ENOX1: variants seen among roughly 807,000 people sequenced by gnomAD.
ENOX1 encodes ecto-NOX disulfide-thiol exchanger 1.
ENOX1 carries 42 observed loss-of-function variants against 82.5 expected under a neutral mutation model. The observed-to-expected ratio is 0.51, with a 90% CI of 0.40 to 0.66. ENOX1 has a LOEUF of 0.66. Among genes scored for constraint, ENOX1 ranks in the 30% least tolerant of loss-of-function variants. The probability of loss-of-function intolerance (pLI) is 0.00; values close to 1 mark genes in which losing one functional copy is unlikely to be tolerated. For synonymous variants in ENOX1, 271 were observed against 282.2 expected, an observed-to-expected ratio of 0.96 and a Z score of 0.40; for missense variants, 608 against 811.6, an observed-to-expected ratio of 0.75 and a Z score of 3.05.
At chr13:43,374,456 G>C (rs1566066316) in intron 5 of ENOX1, among the ~76,000 whole-genome samples, 1 of 151,922 alleles carries the variant, frequency 6.6e-6, no homozygotes, top group Non-Finnish European at 1.5e-5. Context: ...ATGTTGCCCA[G>C]GTTGGTCTCA....
intron 6 of ENOX1, 59 bp from the exon 7 acceptor site, chr13:43,360,116 T>C (rs1326658924): frequency 6.6e-7 from 1 of 1,518,302 alleles, no homozygotes; most frequent in African/African-American, 1.4e-5. Flanking sequence ...TCTCTGGTTC[T>C]CCTGGCAAAA....
intron 11 of ENOX1, among the ~76,000 whole-genome samples, chr13:43,304,645 A>T (rs944636152): frequency 3.3e-5 from 5 of 152,298 alleles, no homozygotes; most frequent in Middle Eastern, 3.4e-3. Flanking sequence ...TTTCTGCAGG[A>T]CAAACTTGGG....
chr13:43,618,311 C>T (rs2082571488), intron 2 of ENOX1, among the ~76,000 whole-genome samples: 1 of 152,144 alleles, frequency 6.6e-6, no homozygotes, highest in Admixed American at 6.6e-5. Flanking sequence ...GTCATGAAAT[C>T]CTTGCCTAAA....
At chr13:43,743,616 G>C (rs1174523929) in intron 1 of ENOX1, among the ~76,000 whole-genome samples, 1 of 152,150 alleles carries the variant, frequency 6.6e-6, no homozygotes, top group South Asian at 2.1e-4. Flanking sequence ...GAAGAGACTT[G>C]ATCTTCCTCC....
At chr13:43,349,057 T>C (rs1459645851) in intron 8 of ENOX1, among the ~76,000 whole-genome samples, 2 of 152,244 alleles carry the variant, frequency 1.3e-5, no homozygotes, top group African/African-American at 4.8e-5. Context: ...GTATTCCTAA[T>C]AGATTTGTAG....
rs1331537953 is a variant in ENOX1 at position 43,783,644 on chromosome 13, A to G, written c.-285+3008T>C. ...TATAGAAAACTCAGCTTTTTGTAAT[A>G]TCCTAAGAGCACCTGGCAGCAGCAG... On this transcript the variant is annotated intron_variant, in intron 1 of 16. Transcript: ENST00000690772. Among the ~76,000 whole-genome samples the G allele has an allele frequency of 3.3e-5, 5 of 152,190 alleles. No homozygotes were observed. In the East Asian group the frequency reaches 9.6e-4, roughly 29 times the overall value.
chr13:43,690,164 T>C (rs1010347332), intron 1 of ENOX1, among the ~76,000 whole-genome samples: 1 of 151,816 alleles, frequency 6.6e-6, no homozygotes, highest in African/African-American at 2.4e-5. Context: ...CTTTAGAATG[T>C]AAGGTATTCA....
intron 11 of ENOX1, chr13:43,321,192 G>A (rs947891578): frequency 4.4e-6 from 2 of 455,674 alleles, no homozygotes; most frequent in Non-Finnish European, 8.8e-6. Context: ...ATTTCCTATA[G>A]GGCTTAAATC....
chr13:43,410,755 G>A (rs2054081131), intron 5 of ENOX1, among the ~76,000 whole-genome samples: 2 of 152,066 alleles, frequency 1.3e-5, no homozygotes, highest in South Asian at 2.1e-4. Flanking sequence ...GAAGTGCACA[G>A]GTATGTGGGA....
intron 3 of ENOX1, among the ~76,000 whole-genome samples, chr13:43,429,337 G>C (rs1477115138): frequency 6.6e-6 from 1 of 152,204 alleles, no homozygotes; most frequent in Non-Finnish European, 1.5e-5. Context: ...TACGATGGCA[G>C]CAGCAAAAAC....
intron 1 of ENOX1, among the ~76,000 whole-genome samples, chr13:43,731,816 A>G (rs1026311288): frequency 6.6e-6 from 1 of 152,236 alleles, no homozygotes; most frequent in African/African-American, 2.4e-5. Flanking sequence ...ACAATATTTT[A>G]GCAAAACATC....
intron 2 of ENOX1, among the ~76,000 whole-genome samples, chr13:43,576,492 T>G (rs576730259): frequency 6.6e-6 from 1 of 152,202 alleles, no homozygotes. Context: ...ATGTAGCTAT[T>G]GAGCATTTAA....
At chr13:43,712,913 C>T (rs1443802328) in intron 1 of ENOX1, among the ~76,000 whole-genome samples, 2 of 151,982 alleles carry the variant, frequency 1.3e-5, no homozygotes, top group Non-Finnish European at 2.9e-5. Context: ...TTTCCTTCTC[C>T]TGCCTAACTG....
intron 1 of ENOX1, among the ~76,000 whole-genome samples, chr13:43,715,049 C>T (rs940538183): frequency 7.2e-5 from 11 of 152,146 alleles, no homozygotes; most frequent in South Asian, 4.1e-4. Context: ...TGGCTGGTAC[C>T]GGTTGTTCCT....
At chr13:43,291,280 C>T (rs530982194) in intron 12 of ENOX1, among the ~76,000 whole-genome samples, 1 of 152,180 alleles carries the variant, frequency 6.6e-6, no homozygotes, top group Non-Finnish European at 1.5e-5. Context: ...GTTCTGTGTC[C>T]TGCACATGCA....
At chr13:43,468,150 T>C (rs564551146) in intron 3 of ENOX1, among the ~76,000 whole-genome samples, 1 of 152,052 alleles carries the variant, frequency 6.6e-6, no homozygotes, top group South Asian at 2.1e-4. Context: ...TTTGGGTCTT[T>C]ATATTTCCAT....
chr13:43,470,143 A>G (rs2057922932), intron 3 of ENOX1, among the ~76,000 whole-genome samples: 1 of 150,252 alleles, frequency 6.7e-6, no homozygotes, highest in Non-Finnish European at 1.5e-5. Flanking sequence ...AAATCTAAAC[A>G]TAAAAAGCTA....
chr13:43,766,326 T>C (rs1951261836), intron 1 of ENOX1, among the ~76,000 whole-genome samples: 1 of 152,240 alleles, frequency 6.6e-6, no homozygotes, highest in Non-Finnish European at 1.5e-5. Flanking sequence ...CTGCGGACTG[T>C]ATGTTAAACA....
chr13:43,358,659 T>C (rs2050303239), intron 7 of ENOX1, among the ~76,000 whole-genome samples: 1 of 152,238 alleles, frequency 6.6e-6, no homozygotes. Context: ...AAGCACTTAA[T>C]ATCCATTATT....
Sources: allele counts gnomAD v4.1 joint callset (sites outside exome capture counted in the v4.1 genomes callset), GRCh38; gene constraint gnomAD v4.1.1; transcripts MANE v1.5; gene names NCBI Gene and HGNC (gene_info 2026-07-23, HGNC 2026-07-21).